The following NOTCH3 variants were observed in gnomAD, a reference collection of about 807,000 sequenced individuals.
NOTCH3 encodes the protein notch receptor 3.
Under a neutral mutation model 213.3 loss-of-function variants are expected in NOTCH3, and 86 were observed. That is an observed-to-expected ratio of 0.40 (90% CI 0.34 to 0.48). The LOEUF (loss-of-function observed/expected upper bound fraction) is 0.48. Ranked by LOEUF, NOTCH3 falls within the 20% of genes least tolerant of loss-of-function variation. The probability of loss-of-function intolerance (pLI) is 0.57; values close to 1 mark genes in which losing one functional copy is unlikely to be tolerated. For synonymous variants in NOTCH3, 1,354 were observed against 1,355.9 expected (o/e 1.00, Z 0.03); for missense variants, 2,783 against 3,272.6 (o/e 0.85, Z 3.65).
rs114887570 is a variant in NOTCH3 at position 15,161,526 on chromosome 19, G to C, written c.6102C>G (p.Pro2034=). 16 of 1,598,280 alleles carry C rather than the reference G, an allele frequency of 1.0e-5. No homozygotes were observed. Among genetic ancestry groups the C allele is most frequent in the South Asian group, 2.3e-5 (2 of 88,694 alleles). The part of the protein sequence containing the change: ...LDQPSGPRSP[P]GPHGLGPLLC... ...GCAGAGGCCCCAGGCCGTGGGGACCGGGGGGGCTGCGGGGCCCACTGGGTT... is the reference window on the plus strand; with the variant it reads ...GCAGAGGCCCCAGGCCGTGGGGACCCGGGGGGCTGCGGGGCCCACTGGGTT... Residue 2034 remains proline (P), a synonymous_variant, in exon 33 of 33, where the codon CCC becomes CCG. Coordinates refer to ENST00000263388, the MANE Select transcript of NOTCH3 (RefSeq NM_000435.3).
rs2046870205 is a variant in NOTCH3 at position 15,185,096 on chromosome 19, ACC to A, written c.2297-79_2297-78del. On this transcript the variant is annotated intron_variant, in intron 14 of 32. Transcript: ENST00000263388. This position sits in a 1 kb window ranked among gnomAD's most constrained non-coding sequence, Gnocchi z 4.2. ...ATCCCATCTCCCCCCACCTCCCCCA[ACC>A]CCAGGGTCCCCACCTTGATACCCAC... The A allele has an allele frequency of 4.8e-6, 6 of 1,258,946 alleles. No homozygotes were observed. The highest frequency in any genetic ancestry group is 6.6e-6 in the Non-Finnish European group (6 of 903,308). 78.0% of individuals were successfully genotyped at this position (1,258,946 alleles called of 1,614,324 possible).
At position 15,188,299 on chromosome 19, in the gene NOTCH3, G is replaced by A. The variant is rs1158104338; in HGVS notation, c.1428C>T (p.Ser476=). The part of the protein sequence containing the change: ...CEVDIDECQS[S]PCVNGGVCKD... Reference sequence around the variant, plus strand: ...TGCAGACCCCACCGTTGACACAGGGGCTACTCTGACACTCGTCAATGTCCA... The same window carrying A: ...TGCAGACCCCACCGTTGACACAGGGACTACTCTGACACTCGTCAATGTCCA... The change falls in exon 9 of 33, where the codon AGC becomes AGT. Residue 476 remains serine (S), a synonymous_variant. Transcript: ENST00000263388. 6.2e-7 allele frequency: 1 copy of A among 1,607,702 alleles called. No homozygotes were observed. Among genetic ancestry groups the A allele is most frequent in the Non-Finnish European group, 8.5e-7 (1 of 1,176,918 alleles).
rs1246904148 is a variant in NOTCH3, at chr19:15,200,813, C to G, written c.93G>C (p.Leu31=). 1.6e-6 allele frequency: 2 copies of G among 1,260,004 alleles called. No homozygotes were observed. Among genetic ancestry groups the G allele is most frequent in the Admixed American group, 6.7e-5 (2 of 29,986 alleles). The allele number at this position is 1,260,004 out of a possible 1,614,324, so 78.1% of individuals were successfully genotyped here. A position where few individuals can be genotyped will look rare whatever the true frequency, so the allele number is the denominator to read the frequency against. The change falls in exon 1 of 33, where the codon CTG becomes CTC. Residue 31 remains leucine (L), a synonymous_variant. Coordinates refer to ENST00000263388, the MANE Select transcript of NOTCH3 (RefSeq NM_000435.3). The part of the protein sequence containing the change: ...PPPVRALPLL[L]LLAGPGAAAP... ...CTGCAGCCCCCGGCCCCGCTAGCAGCAGCAGCAGGGGCAGCGCCCGCACGG... is the reference window on the plus strand; with the variant it reads ...CTGCAGCCCCCGGCCCCGCTAGCAGGAGCAGCAGGGGCAGCGCCCGCACGG...
rs759991207 is a variant in NOTCH3, at chr19:15,180,987, C to G, written c.2968G>C (p.Glu990Gln). 1.9e-6 allele frequency: 3 copies of G among 1,596,538 alleles called. No individual in the cohort carries two copies. The highest frequency in any genetic ancestry group is 2.3e-5 in the South Asian group (2 of 88,460). The change falls in exon 18 of 33, where the codon GAG becomes CAG. Residue 990 changes from glutamate to glutamine, a missense_variant. Around this residue, in one of 6 missense-constraint regions of NOTCH3, gnomAD observed 861 missense variants for 909.1 expected, o/e 0.95. Coordinates refer to ENST00000263388, the MANE Select transcript of NOTCH3 (RefSeq NM_000435.3). ...TGGCACTGCGGGCCCGTGAAGCTCTCGAGGCAGGTGCAGCGGAAGCCAGGG... is the reference window on the plus strand; with the variant it reads ...TGGCACTGCGGGCCCGTGAAGCTCTGGAGGCAGGTGCAGCGGAAGCCAGGG... ...AHPGFRCTCL[E>Q]SFTGPQCQTL...
chr19:15,167,734 T>C (rs1056168758), intron 28 of NOTCH3, among the ~76,000 whole-genome samples: 1 of 152,058 alleles, frequency 6.6e-6, no homozygotes, highest in East Asian at 1.9e-4. Flanking sequence ...TTTGTATTTT[T>C]AGTAGAGAAG....
In NOTCH3 at chr19:15,165,956, G is replaced by A. The variant is rs1206434921; in HGVS notation, c.5498C>T (p.Ala1833Val). 3 of 1,614,180 alleles carry A rather than the reference G, an allele frequency of 1.9e-6. No individual in the cohort carries two copies. The highest frequency in any genetic ancestry group is 2.5e-6 in the Non-Finnish European group (3 of 1,180,040). ...AGTCTCGCCAGTACGGTCAGTCCGT[G>A]CCCCAAGCTGAGCCCCCTGGCAGAT... ...DLICQGAQLG[A>V]RTDRTGETAL... is the part of the protein sequence containing the mutation. The change falls in exon 30 of 33, where the codon GCA becomes GTA. Residue 1833 changes from alanine to valine, a missense_variant. Ala to Val is a moderately conservative substitution (Grantham distance 64). Around this residue, in one of 6 missense-constraint regions of NOTCH3, gnomAD observed 636 missense variants for 801.8 expected, o/e 0.79. Coordinates refer to ENST00000263388, the MANE Select transcript of NOTCH3 (RefSeq NM_000435.3). The surrounding 1 kb of genome is among the most constrained non-coding windows in gnomAD (Gnocchi z 4.7).
chr19:15,189,025 C>T lies in NOTCH3; in HGVS notation c.1342G>A (p.Asp448Asn), dbSNP rs1555729048. The T allele has an allele frequency of 1.2e-6, 2 of 1,612,544 alleles. No individual in the cohort carries two copies. Among genetic ancestry groups the T allele is most frequent in the Non-Finnish European group, 1.7e-6 (2 of 1,179,768 alleles). The part of the protein sequence containing the change: ...GPCRNQATCL[D>N]RIGQFTCICM... Reference sequence around the variant, plus strand: ...ATACAGGTGAACTGGCCTATGCGGTCGAGGCACGTGGCCTGGTTTCGGCAG... The same window carrying T: ...ATACAGGTGAACTGGCCTATGCGGTTGAGGCACGTGGCCTGGTTTCGGCAG... Residue 448 changes from aspartate (D) to asparagine (N), a missense_variant, in exon 8 of 33, where the codon GAC (aspartate) becomes AAC (asparagine). Around this residue, in one of 6 missense-constraint regions of NOTCH3, gnomAD observed 708 missense variants for 906.6 expected, o/e 0.78. Transcript: ENST00000263388.
chr19:15,177,685 C>T lies in NOTCH3; in HGVS notation c.4243G>A (p.Gly1415Ser), dbSNP rs1162468178. ...CNSPGCGWDG[G>S]DCSLSVGDPW... ...TCGCCCACGCTCAGCGAGCAGTCGC[C>T]GCCGTCCCAGCCGCAGCCTGGGCTG... is the stretch of plus-strand genomic sequence containing the variant. The change falls in exon 24 of 33, where the codon GGC becomes AGC. Residue 1415 changes from glycine to serine, a missense_variant. Coordinates refer to ENST00000263388, the MANE Select transcript of NOTCH3 (RefSeq NM_000435.3). The T allele has an allele frequency of 1.9e-6, 3 of 1,541,464 alleles. No individual in the cohort carries two copies. Among genetic ancestry groups the T allele is most frequent in the Middle Eastern group, 2.2e-4 (1 of 4,492 alleles).
rs1445856043 is a variant in NOTCH3, at chr19:15,161,207, C to T, written c.6421G>A (p.Gly2141Ser). The change falls in exon 33 of 33, where the codon GGT (glycine) becomes AGT (serine). Residue 2141 changes from glycine to serine, a missense_variant. Physicochemically the swap from Gly to Ser is moderately conservative, Grantham distance 56 (BLOSUM62 0). Transcript: ENST00000263388. ...CCTAGACCCGCCCGGCCTGGGCCAC[C>T]AAGCTGTGCCAGAGACACTGCAGTG... is the stretch of plus-strand genomic sequence containing the variant. ...TATAVSLAQL[G>S]GPGRAGLGRQ... The T allele has an allele frequency of 1.3e-6, 2 of 1,543,988 alleles. No homozygotes were observed. The highest frequency in any genetic ancestry group is 2.4e-5 in the South Asian group (2 of 84,352).
In NOTCH3 at chr19:15,165,078, G is replaced by C. The variant is rs1005340931; in HGVS notation, c.5815+290C>G. Among the ~76,000 whole-genome samples the C allele has an allele frequency of 2.0e-5, 3 of 152,172 alleles. No homozygotes were observed. The highest frequency in any genetic ancestry group is 7.2e-5 in the African/African-American group (3 of 41,450). On this transcript the variant is annotated intron_variant, in intron 31 of 32. Transcript: ENST00000263388. The surrounding 1 kb of genome is among the most constrained non-coding windows in gnomAD (Gnocchi z 4.7). ...AGGCATGAGCCACCACACATGGCCT[G>C]ATGTGTACGTTTATTATAATAACTT... is the stretch of plus-strand genomic sequence containing the variant.
intron 24 of NOTCH3, 38 bp downstream of exon 24, chr19:15,177,487 T>G (rs562935160): frequency 6.4e-7 from 1 of 1,573,494 alleles, no homozygotes; most frequent in Non-Finnish European, 8.7e-7. Flanking sequence ...CTGGGATGGA[T>G]GCATAGACAG....
At chr19:15,196,283 GCCCGGCC>G (rs1330710395) in intron 2 of NOTCH3, among the ~76,000 whole-genome samples, 2 of 152,060 alleles carry the variant, frequency 1.3e-5, no homozygotes, top group African/African-American at 2.4e-5. Context: ...CTGCGCAGGC[GCCCGGCC>G]CCACCGCTCG....
Position 15,191,496 on chromosome 19 carries a change from C to T in NOTCH3, c.964G>A (p.Val322Met), listed in dbSNP as rs115029695. 244 of 1,613,194 alleles carry T rather than the reference C, an allele frequency of 1.5e-4. 1 individual carries two copies. Among genetic ancestry groups the T allele is most frequent in the Non-Finnish European group, 1.7e-4 (204 of 1,180,006 alleles). The change falls in exon 6 of 33, where the codon GTG becomes ATG. Residue 322 changes from valine (V) to methionine (M), a missense_variant. Physicochemically the swap from Val to Met is conservative, Grantham distance 21 (BLOSUM62 1). Coordinates refer to ENST00000263388, the MANE Select transcript of NOTCH3 (RefSeq NM_000435.3). ...TGGCAGGTGGCCCCATGGAAGCACA[C>T]GGCTGTGGCACAGTCATCGATATTC... ...SQNIDDCATAVCFHGATCHDR... is the reference protein window; with the variant it reads ...SQNIDDCATAMCFHGATCHDR...
At chr19:15,196,335 C>A (rs753342228) in intron 2 of NOTCH3, among the ~76,000 whole-genome samples, 2 of 152,156 alleles carry the variant, frequency 1.3e-5, no homozygotes, top group Non-Finnish European at 2.9e-5. Context: ...TAAGGTCACA[C>A]TTTTCCCCAT....
At chr19:15,194,957 CAAAAA>C (rs35648748) in intron 2 of NOTCH3, among the ~76,000 whole-genome samples, 2 of 119,440 alleles carry the variant, frequency 1.7e-5, no homozygotes, top group African/African-American at 3.1e-5. Context: ...TACTCGATCT[CAAAAA>C]AAAAAAAAAA....
chr19:15,186,737 T>G, intron 12 of NOTCH3, 141 bp downstream of exon 12: 1 of 753,368 alleles, frequency 1.3e-6, no homozygotes, highest in Admixed American at 1.9e-5. Context: ...CTTATGCCAA[T>G]GAGACAGCAC....
intron 28 of NOTCH3, among the ~76,000 whole-genome samples, chr19:15,168,950 G>A (rs1000587671): frequency 5.3e-5 from 8 of 152,058 alleles, no homozygotes; most frequent in South Asian, 2.1e-4. Context: ...GTCTTGCTCT[G>A]TTACCCAGGC....
rs1023149213 is a variant in NOTCH3, at chr19:15,185,744, C to T, written c.1952-65G>A. ...AGCAGGGACAACCAGGGAGGGACGA[C>T]GTGACCCCACTTAGCACACCCACAC... On this transcript the variant is annotated intron_variant, in intron 12 of 32. Coordinates refer to ENST00000263388, the MANE Select transcript of NOTCH3 (RefSeq NM_000435.3). The surrounding 1 kb of genome is among the most constrained non-coding windows in gnomAD (Gnocchi z 4.2). The T allele has an allele frequency of 6.2e-5, 95 of 1,521,916 alleles. 1 individual carries two copies. The East Asian group carries it at 1.9e-3, about 31-fold the overall frequency. The allele number at this position is 1,521,916 out of a possible 1,614,324, so 94.3% of individuals were successfully genotyped here. A position where few individuals can be genotyped will look rare whatever the true frequency, so the allele number is the denominator to read the frequency against.
intron 16 of NOTCH3, 85 bp from the exon 17 acceptor site, chr19:15,181,886 AT>A (rs1308916048): frequency 1.7e-6 from 2 of 1,192,052 alleles, no homozygotes; most frequent in Middle Eastern, 3.8e-4. Flanking sequence ...ATTGAGAAGA[AT>A]TCAGGAGGAA....
Sources: allele counts gnomAD v4.1 joint callset (sites outside exome capture counted in the v4.1 genomes callset), GRCh38; gene constraint gnomAD v4.1.1; regional missense constraint gnomAD v4.1.1; non-coding constraint Gnocchi (gnomAD v3.1); transcripts MANE v1.5; gene names NCBI Gene and HGNC (gene_info 2026-07-23, HGNC 2026-07-21).